Variants in SPRY3 observed in about 807,000 individuals in gnomAD.
SPRY3 encodes the protein sprouty RTK signaling antagonist 3.
Under a neutral mutation model 20.2 loss-of-function variants are expected in SPRY3, and 15 were observed. The ratio of observed to expected loss-of-function variants is 0.74; its 90% CI spans 0.50 to 1.14. SPRY3 has a LOEUF of 1.14. Ranked by LOEUF, SPRY3 falls within the 50% of genes most tolerant of loss-of-function variation. SPRY3 has a pLI of 0.00. For synonymous variants in SPRY3, 143 were observed against 136.5 expected (o/e 1.05, Z -0.33); for missense variants, 364 against 363.9 (o/e 1.00, Z 0.00).
At chrX:155,729,894 A>G (rs1376171228) in intron 2 of SPRY3, among the ~76,000 whole-genome samples, 1 of 152,158 alleles carries the variant, frequency 6.6e-6, no homozygotes, top group African/African-American at 2.4e-5. Flanking sequence ...TACCACAAAA[A>G]TTCAAAGGAT....
intron 2 of SPRY3, among the ~76,000 whole-genome samples, chrX:155,725,251 G>A (rs142678407): frequency 0.13 from 19,451 of 152,174 alleles, 2,112 homozygotes; most frequent in African/African-American, 0.31. Context: ...TTGCATCGAA[G>A]TTCATCAGGG....
intron 1 of SPRY3, among the ~76,000 whole-genome samples, chrX:155,642,268 T>G (rs2124537863): frequency 8.9e-6 from 1 of 112,186 alleles, no homozygotes; most frequent in Admixed American, 9.4e-5. Flanking sequence ...TTTTCCAATT[T>G]ATTGGCATAT....
chrX:155,765,706 G>A (rs1483677453), intron 2 of SPRY3, among the ~76,000 whole-genome samples: 3 of 152,172 alleles, frequency 2.0e-5, no homozygotes, highest in Non-Finnish European at 4.4e-5. Context: ...TAGGCCCACA[G>A]AGTAAAGGAG....
chrX:155,648,455 C>A (rs2067965068), intron 1 of SPRY3, among the ~76,000 whole-genome samples: 1 of 108,093 alleles, frequency 9.3e-6, no homozygotes, highest in African/African-American at 3.4e-5. Context: ...GTCTTTAATC[C>A]CTCTTGAGTT....
chrX:155,650,759 T>C (rs1393587435), intron 1 of SPRY3, among the ~76,000 whole-genome samples: 2 of 111,637 alleles, frequency 1.8e-5, no homozygotes, highest in Non-Finnish European at 3.8e-5. Flanking sequence ...GACATGCGGT[T>C]TGATGGAGTG....
chrX:155,761,260 G>C (rs1364115359), intron 2 of SPRY3, among the ~76,000 whole-genome samples: 1 of 151,952 alleles, frequency 6.6e-6, no homozygotes, highest in Non-Finnish European at 1.5e-5. Context: ...AACTCTCTCT[G>C]CTCTTCTGTG....
At chrX:155,749,429 G>A (rs1300437632) in intron 2 of SPRY3, among the ~76,000 whole-genome samples, 1 of 151,776 alleles carries the variant, frequency 6.6e-6, no homozygotes, top group Admixed American at 6.6e-5. Context: ...GTATTATATA[G>A]ATAGAGTGGG....
chrX:155,768,158 T>C (rs1027884101), intron 3 of SPRY3, 22 bp downstream of exon 2: 21 of 152,094 alleles, frequency 1.4e-4, no homozygotes, highest in African/African-American at 5.1e-4. Flanking sequence ...AAATTAGCTC[T>C]TTAAAAACCC....
intron 1 of SPRY3, among the ~76,000 whole-genome samples, chrX:155,631,770 T>C (rs1345424295): frequency 1.8e-5 from 2 of 111,908 alleles, no homozygotes; most frequent in African/African-American, 6.5e-5. Flanking sequence ...GGATTTATTT[T>C]TTATTGTTAA....
At chrX:155,679,993 C>T (rs1415833649) in intron 2 of SPRY3, among the ~76,000 whole-genome samples, 3 of 110,085 alleles carry the variant, frequency 2.7e-5, no homozygotes, top group Non-Finnish European at 1.9e-5. Flanking sequence ...CTAGAAAGTG[C>T]GGCTAGAAAG....
chrX:155,770,682 A>G (rs2091375120), intron 3 of SPRY3, among the ~76,000 whole-genome samples: 1 of 151,530 alleles, frequency 6.6e-6, no homozygotes, highest in Non-Finnish European at 1.5e-5. Context: ...GAATTGGCCA[A>G]CTGCACAGTT....
intron 2 of SPRY3, among the ~76,000 whole-genome samples, chrX:155,680,428 T>A (rs758534507): frequency 9.1e-6 from 1 of 109,546 alleles, no homozygotes; most frequent in Non-Finnish European, 1.9e-5. Context: ...TGAGAGACTT[T>A]TAGGAGGTAA....
At chrX:155,763,722 G>A (rs1317746652) in intron 2 of SPRY3, among the ~76,000 whole-genome samples, 1 of 152,026 alleles carries the variant, frequency 6.6e-6, no homozygotes, top group East Asian at 1.9e-4. Context: ...ATTATATATG[G>A]TTATTCATTT....
chrX:155,722,994 C>T (rs771640946), intron 2 of SPRY3, among the ~76,000 whole-genome samples: 4 of 148,226 alleles, frequency 2.7e-5, no homozygotes, highest in African/African-American at 1.0e-4. Context: ...CAAGTGTTCT[C>T]ATTGTTCAGT....
chrX:155,710,005 G>C (rs944118657), intron 2 of SPRY3, among the ~76,000 whole-genome samples: 3 of 151,636 alleles, frequency 2.0e-5, no homozygotes, highest in African/African-American at 7.3e-5. Flanking sequence ...TCTCTATTCT[G>C]TTCCATTGGC....
At chrX:155,741,139 A>G (rs898672209) in intron 2 of SPRY3, among the ~76,000 whole-genome samples, 1 of 152,182 alleles carries the variant, frequency 6.6e-6, no homozygotes, top group Non-Finnish European at 1.5e-5. Context: ...CAGGATAGCC[A>G]GTTAAGAGAG....
chrX:155,655,979 T>C (rs1341804051), intron 1 of SPRY3, among the ~76,000 whole-genome samples: 1 of 112,396 alleles, frequency 8.9e-6, no homozygotes, highest in Non-Finnish European at 1.9e-5. Context: ...CATTCACTGA[T>C]GGGCTTCCCT....
exon 4 of SPRY3, chrX:155,775,198 C>G (rs2091416503): frequency 5.2e-6 from 1 of 192,074 alleles, no homozygotes; most frequent in South Asian, 1.5e-4. Flanking sequence ...ACGACCCCTT[C>G]TCCCTGTTAC....
intron 2 of SPRY3, among the ~76,000 whole-genome samples, chrX:155,688,117 T>C (rs1349188632): frequency 9.9e-6 from 1 of 101,315 alleles, no homozygotes; most frequent in East Asian, 3.3e-4. Context: ...CTCCCACTTA[T>C]AAGTGAGAAC....
Sources: allele counts gnomAD v4.1 joint callset (sites outside exome capture counted in the v4.1 genomes callset), GRCh38; gene constraint gnomAD v4.1.1; transcripts MANE v1.5; gene names NCBI Gene and HGNC (gene_info 2026-07-23, HGNC 2026-07-21).